Variants in LRCH4 observed in about 807,000 individuals in gnomAD.
LRCH4 encodes leucine-rich repeat and calponin homology domain-containing protein 4.
Under a neutral mutation model 81.2 loss-of-function variants are expected in LRCH4, and 56 were observed. That is an observed-to-expected ratio of 0.69 (90% CI 0.56 to 0.86). The LOEUF (loss-of-function observed/expected upper bound fraction) is 0.86, where lower values mean the gene tolerates loss of function less well. Among genes scored for constraint, LRCH4 ranks in the 40% least tolerant of loss-of-function variants. LRCH4 has a pLI of 0.00. For synonymous variants in LRCH4, 442 were observed against 409.7 expected (o/e 1.08, Z -0.95); for missense variants, 895 against 922.8 (o/e 0.97, Z 0.39).
At chr7:100,584,101 A>C (rs538416533) in intron 1 of LRCH4, 182 of 455,812 alleles carry the variant, frequency 4.0e-4, no homozygotes, top group Non-Finnish European at 6.8e-4. Context: ...AGACACTCAG[A>C]AAGAGATGGG....
Position 100,575,519 on chromosome 7 carries a change from G to A in LRCH4, c.1854+186C>T, listed in dbSNP as rs1343272680. On this transcript the variant is annotated intron_variant, in intron 17 of 17. Transcript: ENST00000310300. This position sits in a 1 kb window ranked among gnomAD's most constrained non-coding sequence, Gnocchi z 5.3. Reference sequence around the variant, plus strand: ...GACAAGATGGGGCCTGCAGGGCAGGGGATGTGTAGGACAGGTGACATGCAG... The same window carrying A: ...GACAAGATGGGGCCTGCAGGGCAGGAGATGTGTAGGACAGGTGACATGCAG... 1.1e-6 allele frequency: 1 copy of A among 870,966 alleles called. No homozygotes were observed. 54.0% of individuals were successfully genotyped at this position (870,966 alleles called of 1,614,324 possible).
In LRCH4 at chr7:100,575,029, G is replaced by A. The variant is rs938415388; in HGVS notation, c.*78C>T. On this transcript the variant is annotated 3_prime_UTR_variant, in exon 18 of 18. Coordinates refer to ENST00000310300, the MANE Select transcript of LRCH4 (RefSeq NM_002319.5). The surrounding 1 kb of genome is among the most constrained non-coding windows in gnomAD (Gnocchi z 5.3). ...GTCTTTGGTTGGGGCTGAAGGCACC[G>A]CAGGTGGGGTCGGGTGGAGCAGGGA... is the stretch of plus-strand genomic sequence containing the variant. 3 of 1,380,700 alleles carry A rather than the reference G, an allele frequency of 2.2e-6. No homozygotes were observed. Among genetic ancestry groups the A allele is most frequent in the Non-Finnish European group, 3.0e-6 (3 of 1,014,758 alleles). 85.5% of individuals were successfully genotyped at this position (1,380,700 alleles called of 1,614,324 possible). A position where few individuals can be genotyped will look rare whatever the true frequency, so the allele number is the denominator to read the frequency against.
At position 100,577,129 on chromosome 7, in the gene LRCH4, C is replaced by T. The variant is rs1252077932; in HGVS notation, c.1321G>A (p.Val441Ile). 1 of 1,614,114 alleles carries T rather than the reference C, an allele frequency of 6.2e-7. No homozygotes were observed. The highest frequency in any genetic ancestry group is 1.1e-5 in the South Asian group (1 of 91,082). The change falls in exon 12 of 18, where the codon GTT (valine) becomes ATT (isoleucine). Residue 441 changes from valine to isoleucine, a missense_variant. Coordinates refer to ENST00000310300, the MANE Select transcript of LRCH4 (RefSeq NM_002319.5). The surrounding 1 kb of genome is among the most constrained non-coding windows in gnomAD (Gnocchi z 6.7). ...DSLLKPGLRAVVGGAAAVSTQ... is the reference protein window; with the variant it reads ...DSLLKPGLRAIVGGAAAVSTQ... ...GACACGGCGGCGGCCCCTCCCACAA[C>T]AGCCCTGAGCCCTGGCTTCAAGAGG...
chr7:100,575,781 G>T lies in LRCH4; in HGVS notation c.1778C>A (p.Pro593Gln). 1 of 1,608,530 alleles carries T rather than the reference G, an allele frequency of 6.2e-7. No individual in the cohort carries two copies. Among genetic ancestry groups the T allele is most frequent in the Non-Finnish European group, 8.5e-7 (1 of 1,175,774 alleles). The change falls in exon 17 of 18, where the codon CCA becomes CAA. Residue 593 changes from proline to glutamine, a missense_variant and splice_region_variant. Physicochemically the swap from Pro to Gln is moderately conservative, Grantham distance 76 (BLOSUM62 -1). Around this residue, in one of 3 missense-constraint regions of LRCH4, gnomAD observed 529 missense variants for 504.9 expected, o/e 1.05. Transcript: ENST00000310300. The surrounding 1 kb of genome is among the most constrained non-coding windows in gnomAD (Gnocchi z 5.3). ...PFIHVPSPAV[P>Q]KLSALKARKN... ...CCGAGCCTTGAGGGCACTGAGTTTTGGCTGGGGTGGGTGAAAGAAGAAAAT... is the reference window on the plus strand; with the variant it reads ...CCGAGCCTTGAGGGCACTGAGTTTTTGCTGGGGTGGGTGAAAGAAGAAAAT...
intron 1 of LRCH4, chr7:100,584,926 C>T: frequency 2.7e-6 from 1 of 374,872 alleles, no homozygotes; most frequent in Non-Finnish European, 5.3e-6. Flanking sequence ...GATCCCCACC[C>T]CCAGCTGCCG....
rs770312241 is a variant in LRCH4 at position 100,575,181 on chromosome 7, C to T, written c.1978G>A (p.Gly660Ser). The T allele has an allele frequency of 1.6e-5, 26 of 1,613,336 alleles. No individual in the cohort carries two copies. The East Asian group carries it at 5.8e-4, about 36-fold the overall frequency. Residue 660 changes from glycine (G) to serine (S), a missense_variant, in exon 18 of 18, where the codon GGC becomes AGC. Physicochemically the swap from Gly to Ser is moderately conservative, Grantham distance 56. Transcript: ENST00000310300. The surrounding 1 kb of genome is among the most constrained non-coding windows in gnomAD (Gnocchi z 5.3). ...LPPLWPPSGL[G>S]GFVVFYVVLM... ...ACCACGTAGAAGACGACGAAGCCGCCCAGACCAGAGGGGGGCCAGAGGGGC... is the reference window on the plus strand; with the variant it reads ...ACCACGTAGAAGACGACGAAGCCGCTCAGACCAGAGGGGGGCCAGAGGGGC...
chr7:100,583,133 C>T lies in LRCH4; in HGVS notation c.221-674G>A, dbSNP rs1294667862. 6.6e-6 allele frequency among the ~76,000 whole-genome samples: 1 copy of T among 152,130 alleles called. No homozygotes were observed. The highest frequency in any genetic ancestry group is 1.5e-5 in the Non-Finnish European group (1 of 68,014). On this transcript the variant is annotated intron_variant, in intron 1 of 17. Transcript: ENST00000310300. This position sits in a 1 kb window ranked among gnomAD's most constrained non-coding sequence, Gnocchi z 4.3. Reference sequence around the variant, plus strand: ...TGGTTGGAGATGGGAGCTGGAGTTCCCAGGTCCCTCCCATCTGGGCTTCTC... The same window carrying T: ...TGGTTGGAGATGGGAGCTGGAGTTCTCAGGTCCCTCCCATCTGGGCTTCTC...
chr7:100,581,679 G>A (rs1801563108), intron 4 of LRCH4, 98 bp downstream of exon 4: 3 of 976,248 alleles, frequency 3.1e-6, no homozygotes, highest in Non-Finnish European at 4.8e-6. Context: ...TGCCTGCCAT[G>A]TATAAGCTAC....
Position 100,576,982 on chromosome 7 carries a change from G to A in LRCH4, c.1388C>T (p.Ser463Phe), listed in dbSNP as rs1562805360. 1.2e-6 allele frequency: 2 copies of A among 1,605,688 alleles called. No homozygotes were observed. The highest frequency in any genetic ancestry group is 3.4e-5 in the Admixed American group (2 of 59,648). Reference sequence around the variant, plus strand: ...CTGCCCCGCTGCAGCCCCTGCTTGGGAGGCACTGGACTTAGGCGAGCCGCT... The same window carrying A: ...CTGCCCCGCTGCAGCCCCTGCTTGGAAGGCACTGGACTTAGGCGAGCCGCT... ...MHNGSPKSSA[S>F]QAGAAAGQGA... The change falls in exon 13 of 18, where the codon TCC becomes TTC. Residue 463 changes from serine to phenylalanine, a missense_variant. Ser to Phe is a radical substitution (Grantham distance 155). Transcript: ENST00000310300.
Position 100,576,717 on chromosome 7 carries a change from C to CG in LRCH4, c.1528dup (p.Arg510ProfsTer28). 1 of 1,595,980 alleles carries CG rather than the reference C, an allele frequency of 6.3e-7. No homozygotes were observed. The highest frequency in any genetic ancestry group is 8.5e-7 in the Non-Finnish European group (1 of 1,171,310). On this transcript the variant is annotated frameshift_variant, in exon 14 of 18. Coordinates refer to ENST00000310300, the MANE Select transcript of LRCH4 (RefSeq NM_002319.5). LOFTEE classifies it high-confidence loss of function. ...ACCTGAGCCACTCTGAGAGGAGGAACGGAAGAGGAAGCTGTTTGGTCTCTG... is the reference window on the plus strand; with the variant it reads ...ACCTGAGCCACTCTGAGAGGAGGAACGGGAAGAGGAAGCTGTTTGGTCTCTG...
Position 100,576,919 on chromosome 7 carries a change from A to C in LRCH4, c.1451T>G (p.Leu484Arg). Residue 484 changes from leucine (L) to arginine (R), a missense_variant, in exon 13 of 18, where the codon CTT (leucine) becomes CGT (arginine). Physicochemically the swap from Leu to Arg is moderately radical, Grantham distance 102. This residue lies in a region of LRCH4 where 529 missense variants were observed against 504.9 expected (regional missense o/e 1.05). Coordinates refer to ENST00000310300, the MANE Select transcript of LRCH4 (RefSeq NM_002319.5). ...TGTCCCACCTGGTCCAGCTATGGGA[A>C]GGGGCTCTTGGGAGGCAGGGGCAGG... ...PAPAPASQEP[L>R]PIAGPATAPA... 5 of 1,560,148 alleles carry C rather than the reference A, an allele frequency of 3.2e-6. No homozygotes were observed. Among genetic ancestry groups the C allele is most frequent in the Non-Finnish European group, 4.3e-6 (5 of 1,150,186 alleles).
At position 100,577,604 on chromosome 7, in the gene LRCH4, G is replaced by C. The variant is rs373774291; in HGVS notation, c.1117-46C>G. The C allele has an allele frequency of 9.3e-6, 15 of 1,610,680 alleles. No individual in the cohort carries two copies. The highest frequency in any genetic ancestry group is 2.2e-5 in the East Asian group (1 of 44,882). On this transcript the variant is annotated intron_variant, in intron 9 of 17. Coordinates refer to ENST00000310300, the MANE Select transcript of LRCH4 (RefSeq NM_002319.5). This position sits in a 1 kb window ranked among gnomAD's most constrained non-coding sequence, Gnocchi z 6.7. ...CAGCTGAGGGCAGGCCTGTGCCCAC[G>C]CCTGCCCTGTCCCCTCCTCCAGCTC...
chr7:100,585,558 G>A (rs919991426), intron 1 of LRCH4, among the ~76,000 whole-genome samples: 5 of 152,084 alleles, frequency 3.3e-5, no homozygotes, highest in Non-Finnish European at 7.4e-5. Context: ...GATTGGAGCT[G>A]AGGTTAAGAG....
Position 100,578,046 on chromosome 7 carries a change from G to T in LRCH4, c.948+113C>A. 7.6e-7 allele frequency: 1 copy of T among 1,314,584 alleles called. No homozygotes were observed. Among genetic ancestry groups the T allele is most frequent in the African/African-American group, 1.5e-5 (1 of 68,556 alleles). 81.4% of individuals were successfully genotyped at this position (1,314,584 alleles called of 1,614,324 possible). Reference sequence around the variant, plus strand: ...TCCCTGGGATGCTGGGCAGAGGGAAGGAAGAGGACAGCTCCAGCCTCTGCC... The same window carrying T: ...TCCCTGGGATGCTGGGCAGAGGGAATGAAGAGGACAGCTCCAGCCTCTGCC... On this transcript the variant is annotated intron_variant, in intron 7 of 17. Coordinates refer to ENST00000310300, the MANE Select transcript of LRCH4 (RefSeq NM_002319.5). This position sits in a 1 kb window ranked among gnomAD's most constrained non-coding sequence, Gnocchi z 5.7.
At position 100,578,019 on chromosome 7, in the gene LRCH4, C is replaced by G; in HGVS notation, c.949-107G>C. 7.6e-7 allele frequency: 1 copy of G among 1,311,880 alleles called. No individual in the cohort carries two copies. The highest frequency in any genetic ancestry group is 1.2e-5 in the South Asian group (1 of 80,646). The allele number at this position is 1,311,880 out of a possible 1,614,324, so 81.3% of individuals were successfully genotyped here. ...GCTCAGGGTCTCTGCTGAGCCAGCCCTTCCCTGGGATGCTGGGCAGAGGGA... is the reference window on the plus strand; with the variant it reads ...GCTCAGGGTCTCTGCTGAGCCAGCCGTTCCCTGGGATGCTGGGCAGAGGGA... On this transcript the variant is annotated intron_variant, in intron 7 of 17. Coordinates refer to ENST00000310300, the MANE Select transcript of LRCH4 (RefSeq NM_002319.5). The surrounding 1 kb of genome is among the most constrained non-coding windows in gnomAD (Gnocchi z 5.7).
rs1295382778 is a variant in LRCH4, at chr7:100,575,278, G to T, written c.1881C>A (p.Leu627=). The T allele has an allele frequency of 1.3e-6, 2 of 1,564,890 alleles. No homozygotes were observed. Among genetic ancestry groups the T allele is most frequent in the Non-Finnish European group, 8.7e-7 (1 of 1,153,142 alleles). Residue 627 remains leucine (L), a synonymous_variant, in exon 18 of 18, where the codon CTC becomes CTA. Coordinates refer to ENST00000310300, the MANE Select transcript of LRCH4 (RefSeq NM_002319.5). This position sits in a 1 kb window ranked among gnomAD's most constrained non-coding sequence, Gnocchi z 5.3. ...PEADLCSPSD[L]LQGTARGLRT... ...GCAGCCCCCGGGCAGTGCCCTGGAGGAGATCCGAGGGCGAGCACAGGTCAG... is the reference window on the plus strand; with the variant it reads ...GCAGCCCCCGGGCAGTGCCCTGGAGTAGATCCGAGGGCGAGCACAGGTCAG...
chr7:100,578,507 C>T lies in LRCH4; in HGVS notation c.740G>A (p.Cys247Tyr). Residue 247 changes from cysteine (C) to tyrosine (Y), a missense_variant, in exon 6 of 18, where the codon TGC becomes TAC. Physicochemically the swap from Cys to Tyr is radical, Grantham distance 194. This residue lies in a region of LRCH4 where 360 missense variants were observed against 397.0 expected (regional missense o/e 0.91). Coordinates refer to ENST00000310300, the MANE Select transcript of LRCH4 (RefSeq NM_002319.5). The surrounding 1 kb of genome is among the most constrained non-coding windows in gnomAD (Gnocchi z 5.7). Reference protein sequence around the residue: ...NPLQSPPAQVCLKGKLHIFKY... With the variant: ...NPLQSPPAQVYLKGKLHIFKY... ...GAAGATGTGAAGTTTCCCCTTCAGG[C>T]AGACCTGTGTGCGGGGCAGCACACG... The T allele has an allele frequency of 6.2e-7, 1 of 1,613,386 alleles. No individual in the cohort carries two copies. Among genetic ancestry groups the T allele is most frequent in the Non-Finnish European group, 8.5e-7 (1 of 1,179,586 alleles).
intron 1 of LRCH4, 147 bp downstream of exon 1, chr7:100,585,734 G>T: frequency 1.3e-6 from 1 of 763,448 alleles, no homozygotes; most frequent in Non-Finnish European, 2.0e-6. Flanking sequence ...GATGGGAGAG[G>T]ATGGCTGCAG....
At position 100,575,042 on chromosome 7, in the gene LRCH4, G is replaced by A; in HGVS notation, c.*65C>T. On this transcript the variant is annotated 3_prime_UTR_variant, in exon 18 of 18. Coordinates refer to ENST00000310300, the MANE Select transcript of LRCH4 (RefSeq NM_002319.5). The surrounding 1 kb of genome is among the most constrained non-coding windows in gnomAD (Gnocchi z 5.3). ...GCTGAAGGCACCGCAGGTGGGGTCG[G>A]GTGGAGCAGGGACCTTATAAATAGA... 1 of 1,465,442 alleles carries A rather than the reference G, an allele frequency of 6.8e-7. No homozygotes were observed. Among genetic ancestry groups the A allele is most frequent in the Non-Finnish European group, 9.2e-7 (1 of 1,082,764 alleles). The allele number at this position is 1,465,442 out of a possible 1,614,324, so 90.8% of individuals were successfully genotyped here. A position where few individuals can be genotyped will look rare whatever the true frequency, so the allele number is the denominator to read the frequency against.
Sources: gnomAD v4.1 joint callset for allele counts (sites outside exome capture counted in the v4.1 genomes callset) on GRCh38, gnomAD v4.1.1 for gene constraint, gnomAD v4.1.1 regional missense constraint, Gnocchi (gnomAD v3.1) non-coding constraint, MANE v1.5 for transcripts, NCBI Gene and HGNC (gene_info 2026-07-23, HGNC 2026-07-21) for gene names.